The following EPAS1 variants were observed in gnomAD, a reference collection of about 807,000 sequenced individuals.
EPAS1 encodes the protein endothelial PAS domain-containing protein 1.
EPAS1 carries 23 observed loss-of-function variants against 87.9 expected under a neutral mutation model. The ratio of observed to expected loss-of-function variants is 0.26; its 90% confidence interval spans 0.19 to 0.37. The LOEUF (loss-of-function observed/expected upper bound fraction) is 0.37. Ranked by LOEUF, EPAS1 falls within the 10% of genes least tolerant of loss-of-function variation. EPAS1 has a pLI of 1.00. For synonymous variants in EPAS1, 508 were observed against 444.3 expected, an observed-to-expected ratio of 1.14 and a Z score of -1.80; for missense variants, 1,138 against 1,120.7, an observed-to-expected ratio of 1.02 and a Z score of -0.22.
At chr2:46,306,171 A>C (rs1683106051) in intron 1 of EPAS1, among the ~76,000 whole-genome samples, 1 of 152,250 alleles carries the variant, frequency 6.6e-6, no homozygotes, top group Non-Finnish European at 1.5e-5. Context: ...GTGTCTACCC[A>C]GACAGTATTT....
intron 11 of EPAS1, among the ~76,000 whole-genome samples, chr2:46,379,277 G>A (rs1443566987): frequency 1.3e-5 from 2 of 152,174 alleles, no homozygotes; most frequent in Non-Finnish European, 1.5e-5. Flanking sequence ...CAAAAACTAT[G>A]TAAACAAGGA....
In EPAS1 at chr2:46,378,002, G is replaced by C; in HGVS notation, c.1358G>C (p.Ser453Thr). 1 of 1,592,790 alleles carries C rather than the reference G, an allele frequency of 6.3e-7. No individual in the cohort carries two copies. The highest frequency in any genetic ancestry group is 1.1e-5 in the South Asian group (1 of 87,490). ...CACAGCACCCAGAGCGAGGCTGGGA[G>C]CCTGCCTGCCTTCACCGTGCCCCAG... The part of the protein sequence containing the change: ...RSHSTQSEAG[S>T]LPAFTVPQAA... Residue 453 changes from serine to threonine, a missense_variant, in exon 10 of 16, where the codon AGC becomes ACC. Physicochemically the swap from Ser to Thr is moderately conservative, Grantham distance 58. Coordinates refer to ENST00000263734, the MANE Select transcript of EPAS1 (RefSeq NM_001430.5).
At chr2:46,378,227 C>G (rs899463853) in intron 10 of EPAS1, 140 bp downstream of exon 10, 1 of 1,409,480 alleles carries the variant, frequency 7.1e-7, no homozygotes, top group African/African-American at 1.4e-5. Flanking sequence ...TGACACTTAC[C>G]TACCAGGTAT....
chr2:46,347,413 T>C lies in EPAS1; in HGVS notation c.217+350T>C. The C allele has an allele frequency of 2.6e-6, 1 of 378,436 alleles. No homozygotes were observed. Among genetic ancestry groups the C allele is most frequent in the South Asian group, 2.4e-5 (1 of 41,084 alleles). 23.4% of individuals were successfully genotyped at this position (378,436 alleles called of 1,614,324 possible). On this transcript the variant is annotated intron_variant, in intron 2 of 15. Coordinates refer to ENST00000263734, the MANE Select transcript of EPAS1 (RefSeq NM_001430.5). The surrounding 1 kb of genome is among the most constrained non-coding windows in gnomAD (Gnocchi z 4.2). ...GACCCATCCTCCACACTAGATTGAG[T>C]CCGCAGGAAGCATTCTAATCCTTAA...
At chr2:46,334,649 A>G (rs757313159) in intron 1 of EPAS1, among the ~76,000 whole-genome samples, 8 of 152,192 alleles carry the variant, frequency 5.3e-5, no homozygotes, top group Admixed American at 6.5e-5. Flanking sequence ...GTTGTTCCAC[A>G]TTTCATTCTA....
chr2:46,341,352 T>G (rs551410996), intron 1 of EPAS1, among the ~76,000 whole-genome samples: 73 of 152,236 alleles, frequency 4.8e-4, no homozygotes, highest in Non-Finnish European at 4.6e-4. Context: ...GGTGTGTCCT[T>G]TGAAGAGTTG....
chr2:46,359,895 G>T (rs1374748), intron 4 of EPAS1, among the ~76,000 whole-genome samples: 29,615 of 152,090 alleles, frequency 0.19, 3,442 homozygotes, highest in African/African-American at 0.29. Context: ...TCTGAATCGG[G>T]AGGCTGTTTG....
chr2:46,351,703 A>C (rs1003702493), intron 2 of EPAS1, among the ~76,000 whole-genome samples: 3 of 152,164 alleles, frequency 2.0e-5, no homozygotes, highest in Non-Finnish European at 2.9e-5. Flanking sequence ...ACCCCATCAG[A>C]ATGGCTTTAA....
intron 4 of EPAS1, among the ~76,000 whole-genome samples, chr2:46,358,388 A>G (rs932985815): frequency 1.3e-5 from 2 of 152,144 alleles, no homozygotes; most frequent in Non-Finnish European, 2.9e-5. Context: ...GACTTTCTAA[A>G]GCTCTCTAAA....
In EPAS1 at chr2:46,346,363, G is replaced by C. The variant is rs550947846; in HGVS notation, c.27-510G>C. Among the ~76,000 whole-genome samples, 9 of 152,252 alleles carry C rather than the reference G, an allele frequency of 5.9e-5. No homozygotes were observed. Among genetic ancestry groups the C allele is most frequent in the Admixed American group, 1.3e-4 (2 of 15,292 alleles). ...GTTTTTACTGTGGAAATCACTTTCT[G>C]GTATGAAGCGGGATCTAGGGTTCAG... On this transcript the variant is annotated intron_variant, in intron 1 of 15. Coordinates refer to ENST00000263734, the MANE Select transcript of EPAS1 (RefSeq NM_001430.5). The surrounding 1 kb of genome is among the most constrained non-coding windows in gnomAD (Gnocchi z 4.0).
At chr2:46,331,429 G>C (rs998295411) in intron 1 of EPAS1, among the ~76,000 whole-genome samples, 1 of 152,222 alleles carries the variant, frequency 6.6e-6, no homozygotes, top group Non-Finnish European at 1.5e-5. Context: ...ATGCCAAGAA[G>C]TACTTTTTCA....
intron 2 of EPAS1, among the ~76,000 whole-genome samples, chr2:46,355,753 TGGTCTGTGTA>T (rs1558599895): frequency 6.6e-6 from 1 of 152,248 alleles, no homozygotes; most frequent in East Asian, 1.9e-4. Context: ...ATAAAGTCTA[TGGTCTGTGTA>T]TAACAGCCAA....
intron 6 of EPAS1, among the ~76,000 whole-genome samples, chr2:46,362,344 G>C (rs1330156190): frequency 6.6e-6 from 1 of 152,200 alleles, no homozygotes; most frequent in East Asian, 1.9e-4. Flanking sequence ...GAGAAGTCCA[G>C]ACACCACAAC....
chr2:46,297,972 C>T (rs993033257), intron 1 of EPAS1, 35 bp downstream of exon 1: 4 of 1,609,876 alleles, frequency 2.5e-6, no homozygotes, highest in Non-Finnish European at 2.5e-6. Flanking sequence ...GGGGGCCGGT[C>T]CGAGGCCAGG....
Position 46,297,504 on chromosome 2 carries a change from C to T in EPAS1, c.-408C>T, listed in dbSNP as rs1198946077. The T allele has an allele frequency of 7.0e-6, 2 of 284,112 alleles. No individual in the cohort carries two copies. Among genetic ancestry groups the T allele is most frequent in the African/African-American group, 4.7e-5 (2 of 42,256 alleles). The allele number at this position is 284,112 out of a possible 1,614,324, so 17.6% of individuals were successfully genotyped here. ...TACAATCCTCGGCAGTGTCCTGAGA[C>T]TGTATGGTCAGCTCAGCCCGGCCTC... On this transcript the variant is annotated 5_prime_UTR_variant, in exon 1 of 16. Coordinates refer to ENST00000263734, the MANE Select transcript of EPAS1 (RefSeq NM_001430.5).
chr2:46,307,107 C>T (rs1683119324), intron 1 of EPAS1, among the ~76,000 whole-genome samples: 1 of 152,210 alleles, frequency 6.6e-6, no homozygotes, highest in South Asian at 2.1e-4. Context: ...TTTCTGTAAA[C>T]CACTGTACCC....
chr2:46,323,855 A>G (rs1683502182), intron 1 of EPAS1, among the ~76,000 whole-genome samples: 1 of 152,196 alleles, frequency 6.6e-6, no homozygotes, highest in South Asian at 2.1e-4. Context: ...ATACATGAGT[A>G]ATCAAAGGAA....
chr2:46,314,371 C>T (rs1683273299), intron 1 of EPAS1, among the ~76,000 whole-genome samples: 1 of 152,232 alleles, frequency 6.6e-6, no homozygotes, highest in South Asian at 2.1e-4. Context: ...TGAAACACCA[C>T]TGCCTGTACC....
At position 46,384,559 on chromosome 2, in the gene EPAS1, G is replaced by T. The variant is rs770192015; in HGVS notation, c.2512G>T (p.Glu838Ter). Residue 838 changes from glutamate (E) to a stop codon, truncating the protein, a stop_gained, in exon 16 of 16, where the codon GAA (glutamate) becomes TAA (stop). Transcript: ENST00000263734. LOFTEE classifies it high-confidence loss of function. ...CTCATTTGAGTCCTACCTGCTGCCC[G>T]AACTGACCAGATATGACTGTGAGGT... ...GPSFESYLLP[E>*]LTRYDCEVNV... The T allele has an allele frequency of 5.6e-6, 9 of 1,614,168 alleles. No individual in the cohort carries two copies. The highest frequency in any genetic ancestry group is 7.6e-6 in the Non-Finnish European group (9 of 1,180,022).
Sources: gnomAD v4.1 joint callset for allele counts (sites outside exome capture counted in the v4.1 genomes callset) on GRCh38, gnomAD v4.1.1 for gene constraint, Gnocchi (gnomAD v3.1) non-coding constraint, MANE v1.5 for transcripts, NCBI Gene and HGNC (gene_info 2026-07-23, HGNC 2026-07-21) for gene names.